Variants in CDC23 observed in about 807,000 individuals in gnomAD.
CDC23 encodes cell division cycle protein 23 homolog.
CDC23 carries 26 observed loss-of-function variants against 81.7 expected under a neutral mutation model. That is an observed-to-expected ratio of 0.32 (90% CI 0.23 to 0.44). The LOEUF is 0.44. Ranked by LOEUF, CDC23 falls within the 20% of genes least tolerant of loss-of-function variation. The pLI is 1.00. For synonymous variants in CDC23, 267 were observed against 270.8 expected, an observed-to-expected ratio of 0.99 and a Z score of 0.14; for missense variants, 519 against 728.0, an observed-to-expected ratio of 0.71 and a Z score of 3.30.
intron 13 of CDC23, 136 bp from the exon 14 acceptor site, chr5:138,190,042 C>T: frequency 1.5e-6 from 1 of 685,700 alleles, no homozygotes; most frequent in Non-Finnish European, 2.6e-6. Flanking sequence ...ACTCTTGGAA[C>T]TAGAATAGTA....
chr5:138,190,568 A>T (rs1754815277), intron 13 of CDC23, among the ~76,000 whole-genome samples: 1 of 152,148 alleles, frequency 6.6e-6, no homozygotes. Context: ...GTTCAAGACC[A>T]GCCTGGCCAA....
chr5:138,212,883 AAACATTTCTGCT>A, intron 2 of CDC23, 96 bp downstream of exon 2: 1 of 851,178 alleles, frequency 1.2e-6, no homozygotes, highest in Non-Finnish European at 2.0e-6. Context: ...TTCCCTCTAC[AAACATTTCTGCT>A]AAGCAGTTTG....
At chr5:138,206,465 A>G in intron 3 of CDC23, 82 bp downstream of exon 3, 1 of 1,420,182 alleles carries the variant, frequency 7.0e-7, no homozygotes, top group Non-Finnish European at 1.0e-6. Flanking sequence ...CTGCTAAGCT[A>G]TTTAAAAGAT....
At chr5:138,191,203 C>T (rs1387979512) in intron 13 of CDC23, among the ~76,000 whole-genome samples, 1 of 152,122 alleles carries the variant, frequency 6.6e-6, no homozygotes, top group African/African-American at 2.4e-5. Context: ...GCAACCTCCA[C>T]CTCCCAGGTC....
chr5:138,208,086 C>G (rs1411618498), intron 2 of CDC23, among the ~76,000 whole-genome samples: 1 of 151,954 alleles, frequency 6.6e-6, no homozygotes, highest in Non-Finnish European at 1.5e-5. Context: ...CTCGGCCTCC[C>G]TAGCAGCTGG....
At chr5:138,193,642 A>C (rs1221374862) in intron 9 of CDC23, among the ~76,000 whole-genome samples, 1 of 151,774 alleles carries the variant, frequency 6.6e-6, no homozygotes. Context: ...AAAAAAAAAA[A>C]ACAGGTACCT....
At chr5:138,192,729 T>A (rs1010415847) in intron 9 of CDC23, 72 bp from the exon 10 acceptor site, 13 of 1,371,356 alleles carry the variant, frequency 9.5e-6, no homozygotes, top group Non-Finnish European at 1.3e-5. Context: ...ATAGATAGCA[T>A]TCCACCAAAT....
rs189406293 is a variant in CDC23, at chr5:138,197,410, A to T, written c.1012+789T>A. 2.9e-4 allele frequency among the ~76,000 whole-genome samples: 44 copies of T among 150,910 alleles called. 3 individuals carry two copies. Among genetic ancestry groups the T allele is most frequent in the African/African-American group, 1.1e-3 (44 of 40,578 alleles). On this transcript the variant is annotated intron_variant, in intron 9 of 15. Coordinates refer to ENST00000394886, the MANE Select transcript of CDC23 (RefSeq NM_004661.4). ...GATGGCAAAGATATATCATTAAGTTAAAAAAAAGGAAGTTAGATAGCACTA... is the reference window on the plus strand; with the variant it reads ...GATGGCAAAGATATATCATTAAGTTTAAAAAAAGGAAGTTAGATAGCACTA...
intron 9 of CDC23, among the ~76,000 whole-genome samples, chr5:138,195,736 A>G (rs1754891112): frequency 8.4e-6 from 1 of 119,016 alleles, no homozygotes. Flanking sequence ...ATATATACAT[A>G]TAATATATAT....
intron 6 of CDC23, 195 bp downstream of exon 6, chr5:138,200,912 G>A: frequency 1.8e-6 from 1 of 563,728 alleles, no homozygotes; most frequent in Non-Finnish European, 3.1e-6. Flanking sequence ...AAATCCAACA[G>A]CAACTACTGA....
chr5:138,191,963 AG>A, intron 11 of CDC23, 26 bp from the exon 12 acceptor site: 4 of 1,598,754 alleles, frequency 2.5e-6, no homozygotes, highest in Non-Finnish European at 3.4e-6. Context: ...AGGCAGTCTG[AG>A]CAAAGACTTT....
intron 2 of CDC23, 44 bp from the exon 3 acceptor site, chr5:138,206,728 A>T: frequency 1.9e-6 from 3 of 1,543,840 alleles, no homozygotes; most frequent in Non-Finnish European, 2.6e-6. Context: ...GAATAGGACA[A>T]CAAAACTTCA....
intron 2 of CDC23, among the ~76,000 whole-genome samples, chr5:138,208,749 C>T (rs1755080430): frequency 6.6e-6 from 1 of 152,132 alleles, no homozygotes; most frequent in Non-Finnish European, 1.5e-5. Context: ...GAATGTTCTA[C>T]TGAAAATTAC....
intron 13 of CDC23, 193 bp from the exon 14 acceptor site, chr5:138,190,099 C>T: frequency 3.4e-6 from 2 of 592,598 alleles, no homozygotes; most frequent in Non-Finnish European, 6.0e-6. Context: ...CATTACTCTG[C>T]TAATGATGGA....
chr5:138,202,559 C>T (rs1755001189), intron 3 of CDC23, among the ~76,000 whole-genome samples: 1 of 152,224 alleles, frequency 6.6e-6, no homozygotes, highest in South Asian at 2.1e-4. Flanking sequence ...GTTGGGATTA[C>T]AGGCGTGAGC....
At chr5:138,211,677 A>G in intron 2 of CDC23, among the ~76,000 whole-genome samples, 1 of 151,918 alleles carries the variant, frequency 6.6e-6, no homozygotes, top group Admixed American at 6.6e-5. Context: ...AAAAAAAAGT[A>G]AAATAAAATA....
At chr5:138,191,596 T>A in intron 12 of CDC23, 61 bp from the exon 13 acceptor site, 10 of 1,503,384 alleles carry the variant, frequency 6.7e-6, no homozygotes, top group Non-Finnish European at 9.3e-6. Flanking sequence ...CTAAATCATA[T>A]GAAGGTTAAG....
chr5:138,209,535 A>G (rs1755090125), intron 2 of CDC23, among the ~76,000 whole-genome samples: 1 of 152,014 alleles, frequency 6.6e-6, no homozygotes, highest in Non-Finnish European at 1.5e-5. Flanking sequence ...AAACACTGAG[A>G]GTAAGCAAGC....
rs748156256 is a variant in CDC23 at position 138,192,492 on chromosome 5, A to C, written c.1166+12T>G. On this transcript the variant is annotated intron_variant, in intron 10 of 15. Coordinates refer to ENST00000394886, the MANE Select transcript of CDC23 (RefSeq NM_004661.4). ...AGCAATCTGCTCTACCTCACCACCT[A>C]TAGATAATCACCTATAAGCCTGGAT... 1.2e-6 allele frequency: 2 copies of C among 1,613,788 alleles called. No homozygotes were observed. Among genetic ancestry groups the C allele is most frequent in the East Asian group, 4.5e-5 (2 of 44,878 alleles).
Sources: allele counts gnomAD v4.1 joint callset (sites outside exome capture counted in the v4.1 genomes callset), GRCh38; gene constraint gnomAD v4.1.1; transcripts MANE v1.5; gene names NCBI Gene and HGNC (gene_info 2026-07-23, HGNC 2026-07-21).